NEK7: variants seen among roughly 807,000 people sequenced by gnomAD.
The protein encoded by NEK7 is serine/threonine-protein kinase Nek7.
Under a neutral mutation model 44.6 loss-of-function variants are expected in NEK7, and 18 were observed. The observed-to-expected ratio is 0.40, with a 90% confidence interval of 0.28 to 0.60. The LOEUF is 0.60. Ranked by LOEUF, NEK7 falls within the 20% of genes least tolerant of loss-of-function variation. The pLI is 0.38. For synonymous variants in NEK7, 130 were observed against 121.1 expected (o/e 1.07, Z -0.48); for missense variants, 256 against 366.5 (o/e 0.70, Z 2.46).
intron 9 of NEK7, among the ~76,000 whole-genome samples, chr1:198,316,219 G>A (rs536864032): frequency 6.6e-6 from 1 of 152,250 alleles, no homozygotes; most frequent in East Asian, 1.9e-4. Context: ...AGGAAGGGAG[G>A]GAGAGACACA....
At chr1:198,231,295 G>GTATATATA (rs1666382502) in intron 1 of NEK7, among the ~76,000 whole-genome samples, 2 of 63,300 alleles carry the variant, frequency 3.2e-5, no homozygotes, top group South Asian at 8.1e-4. Flanking sequence ...ACGTGTATGT[G>GTATATATA]TGTGTGTATA....
chr1:198,206,744 A>G (rs1665611061), intron 1 of NEK7: 1 of 152,088 alleles, frequency 6.6e-6, no homozygotes, highest in Non-Finnish European at 1.5e-5. Context: ...TTTTTACATA[A>G]ATTATCCTAT....
rs115589403 is a variant in NEK7 at position 198,244,636 on chromosome 1, G to A, written c.58-8404G>A. Among the ~76,000 whole-genome samples the A allele has an allele frequency of 6.5e-3, 987 of 152,164 alleles. 15 individuals are homozygous for A. The highest frequency in any genetic ancestry group is 0.023 in the African/African-American group (961 of 41,514). ...TAGAGTGTATTCACATCAAAAAAAT[G>A]TTTGTTAATAAGAACCCAGAACAGT... On this transcript the variant is annotated intron_variant, in intron 2 of 9. Transcript: ENST00000367385.
At chr1:198,252,562 ATATAT>A (rs1357824089) in intron 2 of NEK7, among the ~76,000 whole-genome samples, 8,282 of 67,494 alleles carry the variant, frequency 0.12, 580 homozygotes, top group East Asian at 0.43. Flanking sequence ...ATATATATAT[ATATAT>A]AAAAAGTACA....
chr1:198,229,534 T>A (rs896100687), intron 1 of NEK7, among the ~76,000 whole-genome samples: 2 of 152,026 alleles, frequency 1.3e-5, no homozygotes, highest in African/African-American at 2.4e-5. Flanking sequence ...CCTTAACCTG[T>A]GGGATCTGTT....
chr1:198,262,513 T>G (rs1186088536), intron 3 of NEK7, 62 bp from the exon 4 acceptor site: 2 of 1,033,830 alleles, frequency 1.9e-6, no homozygotes, highest in African/African-American at 3.2e-5. Context: ...TAAAATGAAT[T>G]TACACAATAG....
chr1:198,247,061 G>A (rs1312155095), intron 2 of NEK7, among the ~76,000 whole-genome samples: 1 of 152,174 alleles, frequency 6.6e-6, no homozygotes, highest in Non-Finnish European at 1.5e-5. Context: ...GTGGTACTTT[G>A]TGAGTTTCTT....
intron 7 of NEK7, 142 bp from the exon 8 acceptor site, chr1:198,292,803 T>C (rs1029056724): frequency 2.8e-5 from 18 of 652,548 alleles, no homozygotes; most frequent in Non-Finnish European, 4.6e-5. Context: ...AAAAAGTTTT[T>C]AGTATTCTCA....
chr1:198,284,421 T>A (rs72731929), intron 7 of NEK7, among the ~76,000 whole-genome samples: 1 of 152,322 alleles, frequency 6.6e-6, no homozygotes, highest in Non-Finnish European at 1.5e-5. Context: ...AATTGACTAC[T>A]CTTGCTGCTC....
At chr1:198,279,630 T>C (rs1391277103) in intron 7 of NEK7, among the ~76,000 whole-genome samples, 9 of 151,964 alleles carry the variant, frequency 5.9e-5, no homozygotes. Flanking sequence ...GTAAAAGTTA[T>C]GTTAAAAATA....
intron 5 of NEK7, among the ~76,000 whole-genome samples, chr1:198,267,664 G>T (rs553070193): frequency 4.6e-5 from 7 of 151,828 alleles, no homozygotes; most frequent in Non-Finnish European, 8.8e-5. Flanking sequence ...GGGTGATCTC[G>T]AACTTTGACC....
intron 7 of NEK7, among the ~76,000 whole-genome samples, chr1:198,281,420 G>T (rs1002255198): frequency 6.6e-6 from 1 of 151,742 alleles, no homozygotes; most frequent in African/African-American, 2.4e-5. Flanking sequence ...TTTTACTGAG[G>T]ATACAATCTA....
chr1:198,223,690 GT>G (rs1468174089), intron 1 of NEK7, among the ~76,000 whole-genome samples: 27 of 151,930 alleles, frequency 1.8e-4, no homozygotes, highest in Admixed American at 2.6e-4. Flanking sequence ...GACATTACTT[GT>G]TGTTAATGAT....
At chr1:198,277,004 A>G (rs1654036493) in intron 5 of NEK7, among the ~76,000 whole-genome samples, 1 of 151,778 alleles carries the variant, frequency 6.6e-6, no homozygotes. Context: ...ATTGCATTAA[A>G]GTACATATTT....
chr1:198,232,839 G>A (rs1666439919), intron 2 of NEK7, among the ~76,000 whole-genome samples: 2 of 150,354 alleles, frequency 1.3e-5, no homozygotes. Flanking sequence ...ATTGTTTTAG[G>A]TGTAATTAGT....
intron 5 of NEK7, among the ~76,000 whole-genome samples, chr1:198,269,323 C>T (rs1051129116): frequency 2.6e-5 from 4 of 152,048 alleles, no homozygotes; most frequent in African/African-American, 9.7e-5. Context: ...TTTATGCTCT[C>T]GTTTCATAGA....
intron 2 of NEK7, among the ~76,000 whole-genome samples, chr1:198,244,575 T>C (rs990013864): frequency 6.6e-6 from 1 of 152,128 alleles, no homozygotes; most frequent in Non-Finnish European, 1.5e-5. Context: ...TAGAAGTTAA[T>C]CCCAATTAGT....
At chr1:198,259,031 ATTTGTAAATGTAT>A (rs1653367468) in intron 3 of NEK7, among the ~76,000 whole-genome samples, 1 of 152,120 alleles carries the variant, frequency 6.6e-6, no homozygotes, top group South Asian at 2.1e-4. Flanking sequence ...AGTTAAATGT[ATTTGTAAATGTAT>A]TTTGCTCAGA....
At chr1:198,214,816 A>G (rs1192883915) in intron 1 of NEK7, among the ~76,000 whole-genome samples, 1 of 152,240 alleles carries the variant, frequency 6.6e-6, no homozygotes, top group East Asian at 1.9e-4. Context: ...TCTAAATACA[A>G]GAAGCCCAAA....
Sources: gnomAD v4.1 joint callset for allele counts (sites outside exome capture counted in the v4.1 genomes callset) on GRCh38, gnomAD v4.1.1 for gene constraint, MANE v1.5 for transcripts, NCBI Gene and HGNC (gene_info 2026-07-23, HGNC 2026-07-21) for gene names.